Variants in FBXW9 observed in about 807,000 individuals in gnomAD.
FBXW9 encodes the protein F-box/WD repeat-containing protein 9.
FBXW9 carries 38 observed loss-of-function variants against 55.8 expected under a neutral mutation model. That is an observed-to-expected ratio of 0.68 (90% CI 0.53 to 0.89). FBXW9 has a LOEUF of 0.89. FBXW9 is among the 40% of genes least tolerant of loss of function. The pLI is 0.00. For synonymous variants in FBXW9, 289 were observed against 278.2 expected (o/e 1.04, Z -0.38); for missense variants, 590 against 619.4 (o/e 0.95, Z 0.50).
intron 3 of FBXW9, among the ~76,000 whole-genome samples, chr19:12,693,972 G>A (rs2025044822): frequency 6.6e-6 from 1 of 150,892 alleles, no homozygotes; most frequent in Non-Finnish European, 1.5e-5. Context: ...GGCAGACCAC[G>A]AGGTCTGGAG....
chr19:12,696,243 G>C lies in FBXW9; in HGVS notation c.339C>G (p.Leu113=). ...LSRVCHALRD[L]VSDHVTWRLR... is the part of the protein sequence containing the mutation. The stretch of plus-strand genomic sequence containing the variant: ...GCCTCCAGGTGACATGGTCAGACAC[G>C]AGGTCGCGGAGCGCGTGGCACACCC... Residue 113 remains leucine (L), a synonymous_variant, in exon 1 of 10, where the codon CTC becomes CTG. Coordinates refer to ENST00000393261, the MANE Select transcript of FBXW9 (RefSeq NM_032301.3). 2 of 1,564,212 alleles carry C rather than the reference G, an allele frequency of 1.3e-6. No homozygotes were observed. Among genetic ancestry groups the C allele is most frequent in the Non-Finnish European group, 1.7e-6 (2 of 1,155,180 alleles).
rs2024969096 is a variant in FBXW9 at position 12,689,335 on chromosome 19, T to C, written c.1302+37A>G. ...TGAGGAGTCAGGGACGATGGCGCTC[T>C]GGCCAGCTGGGCAGGGCACATGGGG... On this transcript the variant is annotated intron_variant, in intron 9 of 9. Transcript: ENST00000393261. This position sits in a 1 kb window ranked among gnomAD's most constrained non-coding sequence, Gnocchi z 5.9. 1 of 1,614,076 alleles carries C rather than the reference T, an allele frequency of 6.2e-7. No individual in the cohort carries two copies. Among genetic ancestry groups the C allele is most frequent in the Admixed American group, 1.7e-5 (1 of 59,994 alleles).
chr19:12,690,851 T>C (rs2024997849), intron 5 of FBXW9, among the ~76,000 whole-genome samples: 1 of 152,168 alleles, frequency 6.6e-6, no homozygotes, highest in Non-Finnish European at 1.5e-5. Context: ...TATTATCATC[T>C]TCCCCCATTA....
rs755030888 is a variant in FBXW9 at position 12,696,605 on chromosome 19, C to G, written c.-24G>C. The G allele has an allele frequency of 4.4e-6, 7 of 1,600,902 alleles. No individual in the cohort carries two copies. Among genetic ancestry groups the G allele is most frequent in the Non-Finnish European group, 5.9e-6 (7 of 1,178,816 alleles). ...ATTGCGACCGGGTGGGCGCTGCCGG[C>G]CTCGCGTCTTGTCTCCTAGGCAGCA... On this transcript the variant is annotated 5_prime_UTR_variant, in exon 1 of 10. Transcript: ENST00000393261.
intron 3 of FBXW9, among the ~76,000 whole-genome samples, chr19:12,693,553 T>C (rs1326965862): frequency 9.5e-5 from 2 of 21,130 alleles, no homozygotes; most frequent in East Asian, 1.5e-3. Flanking sequence ...TATATATATA[T>C]ATATATATAC....
At position 12,689,885 on chromosome 19, in the gene FBXW9, G is replaced by T. The variant is rs989379581; in HGVS notation, c.1033-11C>A. On this transcript the variant is annotated splice_polypyrimidine_tract_variant and intron_variant, in intron 6 of 9. Transcript: ENST00000393261. This position sits in a 1 kb window ranked among gnomAD's most constrained non-coding sequence, Gnocchi z 5.9. ...CAGGTAGGAGTCCAGCTACGAGAGGGACAAGGGACGGGACAGCTCAGGCCG... is the reference window on the plus strand; with the variant it reads ...CAGGTAGGAGTCCAGCTACGAGAGGTACAAGGGACGGGACAGCTCAGGCCG... The T allele has an allele frequency of 3.1e-6, 5 of 1,613,484 alleles. No individual in the cohort carries two copies. The highest frequency in any genetic ancestry group is 3.4e-6 in the Non-Finnish European group (4 of 1,179,584).
intron 3 of FBXW9, among the ~76,000 whole-genome samples, chr19:12,693,720 A>T (rs953283997): frequency 1.3e-5 from 2 of 148,182 alleles, no homozygotes; most frequent in African/African-American, 5.0e-5. Context: ...CAACAGAGTG[A>T]GATTCCATTA....
rs1474144182 is a variant in FBXW9 at position 12,693,553 on chromosome 19, TATATATATACACACAC to T, written c.678+1025_678+1040del. On this transcript the variant is annotated intron_variant, in intron 3 of 9. Coordinates refer to ENST00000393261, the MANE Select transcript of FBXW9 (RefSeq NM_032301.3). ...AAATATATATATATATATATATATA[TATATATATACACACAC>T]ACACACACACACACACACACACACA... Among the ~76,000 whole-genome samples the T allele has an allele frequency of 1.9e-4, 4 of 21,132 alleles. 1 individual carries two copies. Among genetic ancestry groups the T allele is most frequent in the East Asian group, 1.5e-3 (2 of 1,374 alleles). 13.9% of individuals were successfully genotyped at this position (21,132 alleles called of 152,430 possible).
Position 12,689,059 on chromosome 19 carries a change from T to C in FBXW9, c.*157A>G, listed in dbSNP as rs762055513. The stretch of plus-strand genomic sequence containing the variant: ...CCCAATTTCACCCTTCCCCCGGGCA[T>C]AGGGCCCAGGCCAGGACGCTCACCC... On this transcript the variant is annotated 3_prime_UTR_variant, in exon 10 of 10. Transcript: ENST00000393261. This position sits in a 1 kb window ranked among gnomAD's most constrained non-coding sequence, Gnocchi z 5.9. 2.7e-6 allele frequency: 2 copies of C among 736,880 alleles called. No homozygotes were observed. Among genetic ancestry groups the C allele is most frequent in the Admixed American group, 2.0e-5 (1 of 50,480 alleles). The allele number at this position is 736,880 out of a possible 1,614,324, so 45.6% of individuals were successfully genotyped here. A position where few individuals can be genotyped will look rare whatever the true frequency, so the allele number is the denominator to read the frequency against.
chr19:12,693,591 C>T (rs1422171800), intron 3 of FBXW9, among the ~76,000 whole-genome samples: 1 of 105,816 alleles, frequency 9.5e-6, no homozygotes, highest in African/African-American at 6.2e-5. Context: ...CACACACACA[C>T]ACACACACAC....
rs1371969939 is a variant in FBXW9, at chr19:12,696,214, C to G, written c.368G>C (p.Arg123Pro). ...GGGCGCGCGTACGCGGCGTAGCGCG[C>G]GTAGCCTCCAGGTGACATGGTCAGA... ...LVSDHVTWRL[R>P]ALRRVRAPYP... Residue 123 changes from arginine to proline, a missense_variant, in exon 1 of 10, where the codon CGC becomes CCC. Coordinates refer to ENST00000393261, the MANE Select transcript of FBXW9 (RefSeq NM_032301.3). The G allele has an allele frequency of 6.4e-7, 1 of 1,553,048 alleles. No individual in the cohort carries two copies. Among genetic ancestry groups the G allele is most frequent in the Admixed American group, 1.9e-5 (1 of 51,730 alleles).
chr19:12,690,037 G>A lies in FBXW9; in HGVS notation c.957C>T (p.His319=), dbSNP rs76679560. ...TGTGGTCCTCGCTGCCTGAGATGAT[G>A]TGCCGGTCATCCGCCAGCAGGGTCA... The part of the protein sequence containing the change: ...PVLTLLADDR[H]IISGSEDHTL... Residue 319 remains histidine (H), a synonymous_variant, in exon 6 of 10, where the codon CAC becomes CAT. Coordinates refer to ENST00000393261, the MANE Select transcript of FBXW9 (RefSeq NM_032301.3). 6,506 of 1,614,042 alleles carry A rather than the reference G, an allele frequency of 4.0e-3. 222 individuals carry two copies. The African/African-American group carries it at 0.074, about 18-fold the overall frequency.
Position 12,696,430 on chromosome 19 carries a change from GA to G in FBXW9, c.151del (p.Ser51ArgfsTer24), listed in dbSNP as rs769274322. 3.1e-6 allele frequency: 5 copies of G among 1,612,008 alleles called. No homozygotes were observed. In the African/African-American group the frequency reaches 5.3e-5, roughly 17 times the overall value. On this transcript the variant is annotated frameshift_variant, in exon 1 of 10. Transcript: ENST00000393261. LOFTEE classifies it high-confidence loss of function. ...PKSGLAFSRP[S>X]QLSTPAASPS... The stretch of plus-strand genomic sequence containing the variant: ...GGACGCGGCGGGTGTGGATAGCTGC[GA>G]GGGGCGCGAGAACGCCAGCCCGGAT...
rs369109827 is a variant in FBXW9, at chr19:12,696,231, A to G, written c.351T>C (p.His117=). ...GTAGCGCGCGTAGCCTCCAGGTGAC[A>G]TGGTCAGACACGAGGTCGCGGAGCG... ...CHALRDLVSD[H]VTWRLRALRR... Residue 117 remains histidine (H), a synonymous_variant, in exon 1 of 10, where the codon CAT becomes CAC. Coordinates refer to ENST00000393261, the MANE Select transcript of FBXW9 (RefSeq NM_032301.3). 3.4e-5 allele frequency: 53 copies of G among 1,561,506 alleles called. No individual in the cohort carries two copies. Among genetic ancestry groups the G allele is most frequent in the Non-Finnish European group, 4.5e-5 (52 of 1,153,950 alleles).
chr19:12,689,895 G>C lies in FBXW9; in HGVS notation c.1033-21C>G, dbSNP rs541851518. ...TCCAGCTACGAGAGGGACAAGGGAC[G>C]GGACAGCTCAGGCCGGGCTGGGCCT... On this transcript the variant is annotated intron_variant, in intron 6 of 9. Coordinates refer to ENST00000393261, the MANE Select transcript of FBXW9 (RefSeq NM_032301.3). This position sits in a 1 kb window ranked among gnomAD's most constrained non-coding sequence, Gnocchi z 5.9. The C allele has an allele frequency of 6.8e-6, 11 of 1,613,140 alleles. No homozygotes were observed. Among genetic ancestry groups the C allele is most frequent in the Non-Finnish European group, 8.5e-6 (10 of 1,179,176 alleles).
intron 5 of FBXW9, 197 bp from the exon 6 acceptor site, chr19:12,690,307 C>T: frequency 1.3e-6 from 1 of 799,976 alleles, no homozygotes; most frequent in South Asian, 1.6e-5. Context: ...AGGCCTCTGC[C>T]CATCCCCGTC....
chr19:12,693,557 T>C lies in FBXW9; in HGVS notation c.678+1037A>G, dbSNP rs1454387286. Among the ~76,000 whole-genome samples, 100 of 16,718 alleles carry C rather than the reference T, an allele frequency of 6.0e-3. 1 individual carries two copies. The highest frequency in any genetic ancestry group is 0.016 in the Admixed American group (13 of 792). 11.0% of individuals were successfully genotyped at this position (16,718 alleles called of 152,430 possible). On this transcript the variant is annotated intron_variant, in intron 3 of 9. Transcript: ENST00000393261. ...ATATATATATATATATATATATATA[T>C]ATATACACACACACACACACACACA...
intron 3 of FBXW9, 119 bp downstream of exon 3, chr19:12,694,475 G>C (rs1303486606): frequency 1.8e-6 from 2 of 1,132,814 alleles, no homozygotes; most frequent in South Asian, 1.6e-5. Flanking sequence ...CTCACTCAAA[G>C]TCACACCAAG....
At position 12,691,450 on chromosome 19, in the gene FBXW9, C is replaced by A. The variant is rs62108391; in HGVS notation, c.683G>T (p.Trp228Leu). ...GTKRNSTHEG[W>L]VWSLAAQDHR... is the part of the protein sequence containing the mutation. ...GTCCTGCGCTGCCAGTGACCACACC[C>A]AGCCCTGCAGGACAGGAGCAGCAGT... The change falls in exon 4 of 10, where the codon TGG (tryptophan) becomes TTG (leucine). Residue 228 changes from tryptophan (W) to leucine (L), a missense_variant. Coordinates refer to ENST00000393261, the MANE Select transcript of FBXW9 (RefSeq NM_032301.3). The A allele has an allele frequency of 1.3e-6, 2 of 1,569,896 alleles. No homozygotes were observed.
Sources: allele counts gnomAD v4.1 joint callset (sites outside exome capture counted in the v4.1 genomes callset), GRCh38; gene constraint gnomAD v4.1.1; non-coding constraint Gnocchi (gnomAD v3.1); transcripts MANE v1.5; gene names NCBI Gene and HGNC (gene_info 2026-07-23, HGNC 2026-07-21).